ARHGAP31: variants seen among roughly 807,000 people sequenced by gnomAD.
ARHGAP31 encodes rho GTPase-activating protein 31.
In ARHGAP31, 34 loss-of-function variants were observed where a neutral mutation model predicts 113.9. The observed-to-expected ratio is 0.30, with a 90% CI of 0.23 to 0.40. The LOEUF (loss-of-function observed/expected upper bound fraction) is 0.40. Among genes scored for constraint, ARHGAP31 ranks in the 10% least tolerant of loss-of-function variants. The probability of loss-of-function intolerance (pLI) is 1.00; values close to 1 mark genes in which losing one functional copy is unlikely to be tolerated. For missense variants in ARHGAP31, 1,548 were observed against 1,767.1 expected (o/e 0.88, Z 2.22); for synonymous variants, 650 against 684.8 (o/e 0.95, Z 0.79).
At chr3:119,406,492 C>T (rs575311799) in intron 10 of ARHGAP31, among the ~76,000 whole-genome samples, 16 of 152,292 alleles carry the variant, frequency 1.1e-4, no homozygotes, top group Admixed American at 2.0e-4. Flanking sequence ...GGAAACAACC[C>T]AAATGCCCCG....
intron 1 of ARHGAP31, 105 bp downstream of exon 1, chr3:119,295,109 C>A: frequency 9.4e-7 from 1 of 1,062,288 alleles, no homozygotes; most frequent in Non-Finnish European, 1.4e-6. Flanking sequence ...TTAATGTATT[C>A]CAGGCCTGTG....
intron 8 of ARHGAP31, among the ~76,000 whole-genome samples, chr3:119,395,402 C>G (rs1039435348): frequency 6.6e-6 from 1 of 152,172 alleles, no homozygotes; most frequent in Non-Finnish European, 1.5e-5. Context: ...GGGTTTAATA[C>G]AGGGGCTCTG....
intron 11 of ARHGAP31, among the ~76,000 whole-genome samples, chr3:119,413,489 A>G (rs2080736962): frequency 6.6e-6 from 1 of 152,212 alleles, no homozygotes; most frequent in South Asian, 2.1e-4. Context: ...ATAAGGCAAC[A>G]GTGCATACAG....
At chr3:119,408,487 C>T (rs115499722) in intron 10 of ARHGAP31, among the ~76,000 whole-genome samples, 138 of 152,340 alleles carry the variant, frequency 9.1e-4, no homozygotes, top group African/African-American at 3.2e-3. Context: ...CCAATCTTAA[C>T]CAACAAACTT....
intron 1 of ARHGAP31, among the ~76,000 whole-genome samples, chr3:119,299,478 A>G (rs1226240599): frequency 2.0e-5 from 3 of 152,266 alleles, no homozygotes; most frequent in Admixed American, 1.3e-4. Context: ...TTCATAACAA[A>G]TAAGTGCCCA....
intron 1 of ARHGAP31, among the ~76,000 whole-genome samples, chr3:119,363,573 T>G (rs61261775): frequency 6.6e-6 from 1 of 152,110 alleles, no homozygotes; most frequent in African/African-American, 2.4e-5. Flanking sequence ...ATAAGTATGG[T>G]GAACTTTATT....
At chr3:119,409,455 A>G (rs1265238733) in intron 10 of ARHGAP31, 41 bp from the exon 11 acceptor site, 1 of 1,612,264 alleles carries the variant, frequency 6.2e-7, no homozygotes, top group Admixed American at 1.7e-5. Context: ...CTCTCTTGAA[A>G]TGAAGTCTCC....
At chr3:119,408,429 G>C (rs1219040205) in intron 10 of ARHGAP31, among the ~76,000 whole-genome samples, 1 of 152,244 alleles carries the variant, frequency 6.6e-6, no homozygotes, top group Non-Finnish European at 1.5e-5. Flanking sequence ...AGACACCTCA[G>C]AGTGAAGACA....
intron 1 of ARHGAP31, among the ~76,000 whole-genome samples, chr3:119,342,672 G>A (rs1039668001): frequency 6.6e-5 from 10 of 152,228 alleles, no homozygotes; most frequent in Non-Finnish European, 8.8e-5. Context: ...AATACAGGCC[G>A]GGTGCAGTGG....
At chr3:119,323,292 A>G (rs2079809674) in intron 1 of ARHGAP31, among the ~76,000 whole-genome samples, 1 of 150,906 alleles carries the variant, frequency 6.6e-6, no homozygotes, top group African/African-American at 2.4e-5. Flanking sequence ...GGGAAACCCC[A>G]GGGACAGCCG....
intron 1 of ARHGAP31, among the ~76,000 whole-genome samples, chr3:119,337,278 G>A (rs1275606805): frequency 3.3e-5 from 5 of 152,192 alleles, no homozygotes; most frequent in African/African-American, 1.2e-4. Flanking sequence ...ACAGACGTCA[G>A]GAGTGAAGCT....
chr3:119,418,224 C>T lies in ARHGAP31; in HGVS notation c.*1960C>T, dbSNP rs2080794393. On this transcript the variant is annotated 3_prime_UTR_variant, in exon 12 of 12. Coordinates refer to ENST00000264245, the MANE Select transcript of ARHGAP31 (RefSeq NM_020754.4). The stretch of plus-strand genomic sequence containing the variant: ...CCTTTCATCAGTGTTTTGGCCTTCT[C>T]ATTGGGTGAGGAAGACATTGAACCA... 6.6e-6 allele frequency: 1 copy of T among 152,078 alleles called. No individual in the cohort carries two copies. Among genetic ancestry groups the T allele is most frequent in the South Asian group, 2.1e-4 (1 of 4,822 alleles). The allele number at this position is 152,078 out of a possible 1,614,324, so 9.4% of individuals were successfully genotyped here.
intron 2 of ARHGAP31, among the ~76,000 whole-genome samples, chr3:119,366,206 A>C (rs1031596049): frequency 1.3e-5 from 2 of 151,972 alleles, no homozygotes; most frequent in East Asian, 3.8e-4. Context: ...ATTTAATGTT[A>C]TTTTAATTAT....
At position 119,420,155 on chromosome 3, in the gene ARHGAP31, T is replaced by C. The variant is rs532279543; in HGVS notation, c.*3891T>C. On this transcript the variant is annotated 3_prime_UTR_variant, in exon 12 of 12. Transcript: ENST00000264245. Reference sequence around the variant, plus strand: ...AGAGATACTGGGGAGCATACAATTATTTTGTCCAGTATTAGAGTGGGAGAA... The same window carrying C: ...AGAGATACTGGGGAGCATACAATTACTTTGTCCAGTATTAGAGTGGGAGAA... The C allele has an allele frequency of 2.0e-5, 3 of 152,318 alleles. No individual in the cohort carries two copies. Among genetic ancestry groups the C allele is most frequent in the East Asian group, 3.9e-4 (2 of 5,190 alleles). The allele number at this position is 152,318 out of a possible 1,614,324, so 9.4% of individuals were successfully genotyped here.
intron 6 of ARHGAP31, among the ~76,000 whole-genome samples, chr3:119,385,533 A>C (rs1026818960): frequency 2.6e-5 from 4 of 152,166 alleles, no homozygotes; most frequent in African/African-American, 9.7e-5. Flanking sequence ...AAACTATATA[A>C]AAACCTTTTT....
intron 3 of ARHGAP31, 58 bp downstream of exon 3, chr3:119,368,574 G>A (rs1014493344): frequency 3.4e-4 from 538 of 1,591,830 alleles, no homozygotes; most frequent in Non-Finnish European, 4.2e-4. Context: ...GGGCCAAGAA[G>A]AGTTTCAGCA....
At chr3:119,401,576 A>C (rs1452912190) in intron 9 of ARHGAP31, among the ~76,000 whole-genome samples, 1 of 152,196 alleles carries the variant, frequency 6.6e-6, no homozygotes, top group Non-Finnish European at 1.5e-5. Flanking sequence ...TGCAAAGTTT[A>C]AAAGTGATCT....
intron 11 of ARHGAP31, among the ~76,000 whole-genome samples, chr3:119,411,526 G>A (rs4687854): frequency 0.18 from 27,980 of 152,086 alleles, 2,807 homozygotes; most frequent in East Asian, 0.27. Flanking sequence ...TACTGAGAGG[G>A]CAGAGTGAAG....
chr3:119,365,939 A>G (rs965304730), intron 2 of ARHGAP31, among the ~76,000 whole-genome samples: 1 of 152,128 alleles, frequency 6.6e-6, no homozygotes, highest in Non-Finnish European at 1.5e-5. Context: ...AAAAAATAAA[A>G]AATAATAAAA....
Sources: allele counts gnomAD v4.1 joint callset (sites outside exome capture counted in the v4.1 genomes callset), GRCh38; gene constraint gnomAD v4.1.1; transcripts MANE v1.5; gene names NCBI Gene and HGNC (gene_info 2026-07-23, HGNC 2026-07-21).